Variants in DAGLB observed in about 807,000 individuals in gnomAD.
DAGLB encodes the protein diacylglycerol lipase beta, also known as diacylglycerol lipase-beta.
In DAGLB, 66 loss-of-function variants were observed where a neutral mutation model predicts 72.1. The observed-to-expected ratio is 0.92, with a 90% CI of 0.75 to 1.12. The LOEUF (loss-of-function observed/expected upper bound fraction) is 1.12. Ranked by LOEUF, DAGLB falls within the 50% of genes most tolerant of loss-of-function variation. The pLI is 0.00. For synonymous variants in DAGLB, 414 were observed against 359.5 expected, an observed-to-expected ratio of 1.15 and a Z score of -1.71; for missense variants, 1,065 against 884.9, an observed-to-expected ratio of 1.20 and a Z score of -2.58.
chr7:6,430,512 G>C lies in DAGLB; in HGVS notation c.897C>G (p.Pro299=), dbSNP rs935802157. ...CACCAATCCTGCACAGCCCCGTGAG[G>C]GGGTTTCTGTAGATGTAGAGGGGCC... is the stretch of plus-strand genomic sequence containing the variant. The part of the protein sequence containing the change: ...YGWPLYIYRN[P]LTGLCRIGGD... Residue 299 remains proline (P), a synonymous_variant, in exon 6 of 15, where the codon CCC becomes CCG. Transcript: ENST00000297056. 7.5e-6 allele frequency: 12 copies of C among 1,598,284 alleles called. No individual in the cohort carries two copies. The highest frequency in any genetic ancestry group is 1.3e-5 in the African/African-American group (1 of 74,734).
intron 2 of DAGLB, 110 bp downstream of exon 2, chr7:6,445,843 T>C (rs1784982473): frequency 4.0e-6 from 5 of 1,244,642 alleles, no homozygotes; most frequent in Admixed American, 2.6e-5. Flanking sequence ...GTGATTATAT[T>C]AAAAACTGTT....
Position 6,409,773 on chromosome 7 carries a change from G to A in DAGLB, c.*64C>T, listed in dbSNP as rs770074373. 1.5e-5 allele frequency: 24 copies of A among 1,553,610 alleles called. No homozygotes were observed. Among genetic ancestry groups the A allele is most frequent in the Admixed American group, 1.1e-4 (6 of 52,322 alleles). On this transcript the variant is annotated 3_prime_UTR_variant, in exon 15 of 15. Coordinates refer to ENST00000297056, the MANE Select transcript of DAGLB (RefSeq NM_139179.4). ...TGGCGTCATGGGAACTCCTCGGATG[G>A]TAAGTCAGTTTAAGGACAAAAGCGT...
rs1438462799 is a variant in DAGLB, at chr7:6,410,239, G to C, written c.1711C>G (p.Pro571Ala). Residue 571 changes from proline (P) to alanine (A), a missense_variant, in exon 14 of 15, where the codon CCG becomes GCG. Physicochemically the swap from Pro to Ala is conservative, Grantham distance 27 (BLOSUM62 -1). Coordinates refer to ENST00000297056, the MANE Select transcript of DAGLB (RefSeq NM_139179.4). Reference sequence around the variant, plus strand: ...GAGTCGCTGGAGAAGCTGTAGGCCGGGGACCAGCGCGTCAGTAGGCTCTGC... The same window carrying C: ...GAGTCGCTGGAGAAGCTGTAGGCCGCGGACCAGCGCGTCAGTAGGCTCTGC... ...GEQSLLTRWSPAYSFSSDSPL... is the reference protein window; with the variant it reads ...GEQSLLTRWSAAYSFSSDSPL... 5.0e-6 allele frequency: 8 copies of C among 1,612,538 alleles called. No homozygotes were observed. In the East Asian group the frequency reaches 1.8e-4, roughly 36 times the overall value.
chr7:6,439,186 C>T (rs1362616726), intron 2 of DAGLB, among the ~76,000 whole-genome samples: 3 of 150,232 alleles, frequency 2.0e-5, no homozygotes, highest in Admixed American at 1.3e-4. Flanking sequence ...ACCCAGGATG[C>T]GGAGGTTGCA....
At chr7:6,432,730 G>A (rs1214572480) in intron 5 of DAGLB, 107 bp downstream of exon 5, 1 of 1,366,208 alleles carries the variant, frequency 7.3e-7, no homozygotes, top group East Asian at 2.8e-5. Flanking sequence ...GGGGAAAGGG[G>A]AATGAAGGAA....
rs200184220 is a variant in DAGLB, at chr7:6,409,959, G to C, written c.1897C>G (p.Pro633Ala). 9.9e-6 allele frequency: 16 copies of C among 1,614,132 alleles called. No individual in the cohort carries two copies. In the Admixed American group the frequency reaches 1.0e-4, roughly 10 times the overall value. Residue 633 changes from proline (P) to alanine (A), a missense_variant, in exon 15 of 15, where the codon CCG (proline) becomes GCG (alanine). Pro to Ala is a conservative substitution (Grantham distance 27). Coordinates refer to ENST00000297056, the MANE Select transcript of DAGLB (RefSeq NM_139179.4). Reference sequence around the variant, plus strand: ...GGCATGTGGTCGGTGAGCATCTTCGGACCTATGAGTATTTTGCTGAATTCC... The same window carrying C: ...GGCATGTGGTCGGTGAGCATCTTCGCACCTATGAGTATTTTGCTGAATTCC... ...EAEFSKILIG[P>A]KMLTDHMPDI...
rs775377412 is a variant in DAGLB, at chr7:6,436,352, G to C, written c.419+10C>G. ...CCACTGAAACTCAAAGAGAAGAAGG[G>C]AGATGTCACCTGACCACGACGGTTG... On this transcript the variant is annotated intron_variant, in intron 3 of 14. Coordinates refer to ENST00000297056, the MANE Select transcript of DAGLB (RefSeq NM_139179.4). 5.0e-6 allele frequency: 8 copies of C among 1,597,710 alleles called. No individual in the cohort carries two copies. The highest frequency in any genetic ancestry group is 6.8e-6 in the Non-Finnish European group (8 of 1,173,718).
In DAGLB at chr7:6,410,124, A is replaced by G. The variant is rs372289619; in HGVS notation, c.1820+6T>C. ...CTGCCCACCACACCCACCACGCCGC[A>G]CTCACCGCCCCGAGGCGCCCTCCTC... On this transcript the variant is annotated splice_donor_region_variant and intron_variant, in intron 14 of 14. Coordinates refer to ENST00000297056, the MANE Select transcript of DAGLB (RefSeq NM_139179.4). The G allele has an allele frequency of 1.7e-5, 27 of 1,574,656 alleles. No homozygotes were observed. Among genetic ancestry groups the G allele is most frequent in the Non-Finnish European group, 2.3e-5 (27 of 1,157,750 alleles).
At chr7:6,439,380 G>A (rs1214204552) in intron 2 of DAGLB, among the ~76,000 whole-genome samples, 4 of 152,042 alleles carry the variant, frequency 2.6e-5, no homozygotes, top group Non-Finnish European at 2.9e-5. Context: ...CCCCATAACC[G>A]ACAAGCACAG....
Position 6,424,766 on chromosome 7 carries a change from T to C in DAGLB, c.1126A>G (p.Thr376Ala). 6.2e-7 allele frequency: 1 copy of C among 1,613,048 alleles called. No homozygotes were observed. The highest frequency in any genetic ancestry group is 8.5e-7 in the Non-Finnish European group (1 of 1,179,660). The part of the protein sequence containing the change: ...KESVVVAVRG[T>A]MSLQDVLTDL... ...TCCAACGTTACCTGCAGAGACATGG[T>C]CCCCCTCACAGCGACCACAACAGAC... The change falls in exon 8 of 15, where the codon ACC (threonine) becomes GCC (alanine). Residue 376 changes from threonine (T) to alanine (A), a missense_variant. Thr to Ala is a moderately conservative substitution (Grantham distance 58, BLOSUM62 0). Transcript: ENST00000297056.
chr7:6,434,798 A>G lies in DAGLB; in HGVS notation c.642T>C (p.Phe214=). 6.2e-7 allele frequency: 1 copy of G among 1,614,208 alleles called. No homozygotes were observed. The highest frequency in any genetic ancestry group is 8.5e-7 in the Non-Finnish European group (1 of 1,180,040). The change falls in exon 4 of 15, where the codon TTT becomes TTC. Residue 214 remains phenylalanine, a synonymous_variant. Transcript: ENST00000297056. Reference sequence around the variant, plus strand: ...TTGAGAAAAGCTCTGCCGTACTCGAAAAAGCAACCCGAGTATGGTCGTCTT... The same window carrying G: ...TTGAGAAAAGCTCTGCCGTACTCGAGAAAGCAACCCGAGTATGGTCGTCTT... ...IGKDDHTRVA[F]SSTAELFSTY...
Position 6,445,967 on chromosome 7 carries a change from C to T in DAGLB, c.233G>A (p.Cys78Tyr), listed in dbSNP as rs745742035. The T allele has an allele frequency of 3.8e-6, 6 of 1,599,874 alleles. No homozygotes were observed. Among genetic ancestry groups the T allele is most frequent in the African/African-American group, 1.4e-5 (1 of 73,970 alleles). ...VVICTVSAIM[C>Y]VSMRGTICNP... ...CTACTTTTTACCTCTCATGCTGACA[C>T]ACATGATGGCTGACACAGTACATAT... The change falls in exon 2 of 15, where the codon TGT becomes TAT. Residue 78 changes from cysteine to tyrosine, a missense_variant. Transcript: ENST00000297056.
rs1480117301 is a variant in DAGLB at position 6,432,685 on chromosome 7, GA to G, written c.801+151del. On this transcript the variant is annotated intron_variant, in intron 5 of 14. Transcript: ENST00000297056. ...AAAAAAAAAAAAAAAAAAGGTGGGA[GA>G]GGGGAGGGAAGGGGAGGAGGGGGAG... 3.3e-5 allele frequency: 29 copies of G among 868,112 alleles called. No homozygotes were observed. In the African/African-American group the frequency reaches 5.1e-4, roughly 15 times the overall value. 53.8% of individuals were successfully genotyped at this position (868,112 alleles called of 1,614,324 possible). A position where few individuals can be genotyped will look rare whatever the true frequency, so the allele number is the denominator to read the frequency against.
rs1785060161 is a variant in DAGLB at position 6,447,813 on chromosome 7, G to A, written c.30C>T (p.Arg10=). The change falls in exon 1 of 15, where the codon CGC becomes CGT. Residue 10 remains arginine (R), a synonymous_variant. Transcript: ENST00000297056. The part of the protein sequence containing the change: MPGMVLFGR[R]WAIASDDLVF... ...CCAAGTCGTCGCTGGCGATGGCCCA[G>A]CGCCGGCCGAAGAGTACCATCCCCG... 7.4e-6 allele frequency: 12 copies of A among 1,613,196 alleles called. No homozygotes were observed. The highest frequency in any genetic ancestry group is 9.3e-6 in the Non-Finnish European group (11 of 1,179,688).
chr7:6,425,237 G>C (rs913050100), intron 7 of DAGLB, among the ~76,000 whole-genome samples: 1 of 152,164 alleles, frequency 6.6e-6, no homozygotes, highest in Non-Finnish European at 1.5e-5. Flanking sequence ...GAGAGACAGC[G>C]AGCGACACTG....
intron 9 of DAGLB, among the ~76,000 whole-genome samples, chr7:6,420,741 A>G (rs891594126): frequency 2.6e-5 from 4 of 152,146 alleles, no homozygotes; most frequent in Non-Finnish European, 5.9e-5. Flanking sequence ...AGTTACAGGA[A>G]GCCCCCAAAA....
At chr7:6,440,016 C>T (rs1784777930) in intron 2 of DAGLB, among the ~76,000 whole-genome samples, 1 of 146,168 alleles carries the variant, frequency 6.8e-6, no homozygotes, top group Non-Finnish European at 1.5e-5. Context: ...CACGCCACTG[C>T]ACTCCAGCCT....
At chr7:6,410,518 G>A (rs1385948835) in intron 13 of DAGLB, 138 bp from the exon 14 acceptor site, 1 of 1,310,056 alleles carries the variant, frequency 7.6e-7, no homozygotes, top group Non-Finnish European at 1.0e-6. Context: ...CAGCAAAGAT[G>A]CACCGGCGAG....
At chr7:6,438,725 G>A (rs1165218067) in intron 2 of DAGLB, among the ~76,000 whole-genome samples, 1 of 152,198 alleles carries the variant, frequency 6.6e-6, no homozygotes, top group Non-Finnish European at 1.5e-5. Context: ...GAGTTGCTCT[G>A]ATTAAGGTTC....
Sources: allele counts gnomAD v4.1 joint callset (sites outside exome capture counted in the v4.1 genomes callset), GRCh38; gene constraint gnomAD v4.1.1; transcripts MANE v1.5; gene names NCBI Gene and HGNC (gene_info 2026-07-23, HGNC 2026-07-21).